PTBP2: variants seen among roughly 807,000 people sequenced by gnomAD.
PTBP2 encodes polypyrimidine tract-binding protein 2.
A neutral mutation model predicts 61.4 loss-of-function variants in PTBP2; 13 were observed. That is an observed-to-expected ratio of 0.21 (90% CI 0.14 to 0.34). PTBP2 has a LOEUF of 0.34. Ranked by LOEUF, PTBP2 falls within the 10% of genes least tolerant of loss-of-function variation. The pLI is 1.00. For synonymous variants in PTBP2, 215 were observed against 218.5 expected (o/e 0.98, Z 0.14); for missense variants, 405 against 642.6 (o/e 0.63, Z 4.00).
chr1:96,821,505 G>C (rs1030676513), exon 14 of PTBP2: 1 of 151,788 alleles, frequency 6.6e-6, no homozygotes, highest in Non-Finnish European at 1.5e-5. Context: ...TAAAAATATG[G>C]ATTACTATCA....
At chr1:96,768,425 T>C (rs1055005814) in intron 3 of PTBP2, among the ~76,000 whole-genome samples, 2 of 152,046 alleles carry the variant, frequency 1.3e-5, no homozygotes, top group African/African-American at 4.8e-5. Flanking sequence ...TAGGTTGTGT[T>C]GAATGTTTTA....
At chr1:96,790,537 G>A (rs1192168072) in intron 8 of PTBP2, among the ~76,000 whole-genome samples, 3 of 151,964 alleles carry the variant, frequency 2.0e-5, no homozygotes. Context: ...ACATTAATTA[G>A]CTGAAAATCT....
chr1:96,788,970 A>AT (rs879927940), intron 8 of PTBP2, among the ~76,000 whole-genome samples: 4 of 152,100 alleles, frequency 2.6e-5, no homozygotes, highest in Middle Eastern at 3.2e-3. Flanking sequence ...ACTATTAGTC[A>AT]TTCACATATT....
At chr1:96,811,323 C>G (rs1662061846) in intron 11 of PTBP2, among the ~76,000 whole-genome samples, 1 of 152,068 alleles carries the variant, frequency 6.6e-6, no homozygotes, top group Non-Finnish European at 1.5e-5. Context: ...CTGTAGTATA[C>G]TGTTTATATT....
rs1650334483 is a variant in PTBP2 at position 96,725,655 on chromosome 1, A to T, written c.39+2061A>T. 3.3e-5 allele frequency among the ~76,000 whole-genome samples: 5 copies of T among 152,136 alleles called. No individual in the cohort carries two copies. In the South Asian group the frequency reaches 1.0e-3, roughly 31 times the overall value. On this transcript the variant is annotated intron_variant, in intron 2 of 13. Coordinates refer to ENST00000674951, the MANE Select transcript of PTBP2 (RefSeq NM_021190.4). Reference sequence around the variant, plus strand: ...TATAAAAGTCTGAATAATTAAAGTTAATTTAATTTTCTGGAATAATGGTTA... The same window carrying T: ...TATAAAAGTCTGAATAATTAAAGTTTATTTAATTTTCTGGAATAATGGTTA...
intron 8 of PTBP2, among the ~76,000 whole-genome samples, chr1:96,788,979 T>C (rs1659496021): frequency 6.6e-6 from 1 of 152,072 alleles, no homozygotes; most frequent in Admixed American, 6.5e-5. Flanking sequence ...CATTCACATA[T>C]TCTGTTTCAA....
At chr1:96,800,812 A>G (rs924166009) in intron 8 of PTBP2, among the ~76,000 whole-genome samples, 1 of 136,086 alleles carries the variant, frequency 7.3e-6, no homozygotes, top group South Asian at 2.2e-4. Flanking sequence ...ATTATTAACT[A>G]ATTACTTTAA....
chr1:96,756,775 A>C (rs116419379), intron 3 of PTBP2, among the ~76,000 whole-genome samples: 2,899 of 152,284 alleles, frequency 0.019, 95 homozygotes, highest in African/African-American at 0.065. Flanking sequence ...GCTAGGGTTT[A>C]GGGGTGGAGG....
chr1:96,739,808 A>G (rs1394762445), intron 2 of PTBP2, among the ~76,000 whole-genome samples: 1 of 150,708 alleles, frequency 6.6e-6, no homozygotes, highest in Non-Finnish European at 1.5e-5. Flanking sequence ...TATATTTTTT[A>G]GTAGAGACGG....
Position 96,758,524 on chromosome 1 carries a change from A to G in PTBP2, c.115+7024A>G, listed in dbSNP as rs183912322. 4.1e-3 allele frequency among the ~76,000 whole-genome samples: 626 copies of G among 152,194 alleles called. 15 individuals are homozygous for G. Among genetic ancestry groups the G allele is most frequent in the South Asian group, 0.032 (156 of 4,824 alleles). ...AAAATGTTGGTAAATCACCTCCGGT[A>G]GAATATGAGAGACAATTCTGAGACT... On this transcript the variant is annotated intron_variant, in intron 3 of 13. Transcript: ENST00000674951.
chr1:96,726,763 T>G (rs1650609179), intron 2 of PTBP2, among the ~76,000 whole-genome samples: 1 of 152,110 alleles, frequency 6.6e-6, no homozygotes, highest in Admixed American at 6.5e-5. Context: ...TTTTGTATTT[T>G]TAGTAGAGAC....
intron 8 of PTBP2, among the ~76,000 whole-genome samples, chr1:96,791,232 A>C (rs1254190345): frequency 6.6e-6 from 1 of 152,208 alleles, no homozygotes; most frequent in Non-Finnish European, 1.5e-5. Context: ...AAAAACTACA[A>C]AGCTAGACAG....
Position 96,721,797 on chromosome 1 carries a change from T to A in PTBP2, c.-68T>A. 6.5e-7 allele frequency: 1 copy of A among 1,547,104 alleles called. No individual in the cohort carries two copies. Among genetic ancestry groups the A allele is most frequent in the Non-Finnish European group, 8.7e-7 (1 of 1,144,202 alleles). On this transcript the variant is annotated 5_prime_UTR_variant, in exon 1 of 14. Coordinates refer to ENST00000674951, the MANE Select transcript of PTBP2 (RefSeq NM_021190.4). Reference sequence around the variant, plus strand: ...CCGTCGGGCCCCAGCCGCCATTTTCTCGCCGCTTGTGTGGCTCGCTGGCTG... The same window carrying A: ...CCGTCGGGCCCCAGCCGCCATTTTCACGCCGCTTGTGTGGCTCGCTGGCTG...
At chr1:96,763,423 C>G (rs889865461) in intron 3 of PTBP2, among the ~76,000 whole-genome samples, 22 of 152,070 alleles carry the variant, frequency 1.4e-4, no homozygotes, top group African/African-American at 5.1e-4. Flanking sequence ...CAAAAAAATA[C>G]GAAAACCAGT....
At chr1:96,764,456 G>A (rs183107078) in intron 3 of PTBP2, among the ~76,000 whole-genome samples, 36 of 152,266 alleles carry the variant, frequency 2.4e-4, no homozygotes, top group Admixed American at 1.0e-3. Flanking sequence ...TTGTAGCTAC[G>A]GAACTGGAAT....
chr1:96,796,517 CAT>C (rs1322610860), intron 8 of PTBP2, among the ~76,000 whole-genome samples: 1 of 152,054 alleles, frequency 6.6e-6, no homozygotes, highest in Non-Finnish European at 1.5e-5. Flanking sequence ...GGAAAGTAGA[CAT>C]AAGACTCTAC....
At chr1:96,787,245 C>T (rs1168967565) in intron 8 of PTBP2, among the ~76,000 whole-genome samples, 1 of 152,150 alleles carries the variant, frequency 6.6e-6, no homozygotes, top group Non-Finnish European at 1.5e-5. Flanking sequence ...TGGTCTGGAA[C>T]TCCTGATCTC....
At chr1:96,738,238 A>G (rs1198947398) in intron 2 of PTBP2, among the ~76,000 whole-genome samples, 1 of 152,044 alleles carries the variant, frequency 6.6e-6, no homozygotes, top group Non-Finnish European at 1.5e-5. Flanking sequence ...GGAGTGGTAT[A>G]TATATATATA....
At chr1:96,790,446 A>G (rs1206636492) in intron 8 of PTBP2, among the ~76,000 whole-genome samples, 2 of 152,102 alleles carry the variant, frequency 1.3e-5, no homozygotes, top group Non-Finnish European at 2.9e-5. Context: ...TTAGTATCCA[A>G]TAATGGTTGC....
Sources: allele counts gnomAD v4.1 joint callset (sites outside exome capture counted in the v4.1 genomes callset), GRCh38; gene constraint gnomAD v4.1.1; transcripts MANE v1.5; gene names NCBI Gene and HGNC (gene_info 2026-07-23, HGNC 2026-07-21).